Variants in AKAP9 observed in about 807,000 individuals in gnomAD.
AKAP9 encodes A-kinase anchor protein 9.
Under a neutral mutation model 488.5 loss-of-function variants are expected in AKAP9, and 311 were observed. The ratio of observed to expected loss-of-function variants is 0.64; its 90% CI spans 0.58 to 0.70. The LOEUF is 0.70. AKAP9 is among the 30% of genes least tolerant of loss of function. The pLI, the probability that AKAP9 is intolerant of heterozygous loss-of-function variation, is 0.00. For missense variants in AKAP9, 4,215 were observed against 4,374.5 expected, an observed-to-expected ratio of 0.96 and a Z score of 1.03; for synonymous variants, 1,462 against 1,483.5, an observed-to-expected ratio of 0.99 and a Z score of 0.33.
At chr7:92,031,770 T>C (rs1309937227) in intron 16 of AKAP9, among the ~76,000 whole-genome samples, 166 bp downstream of exon 16, 1 of 152,324 alleles carries the variant, frequency 6.6e-6, no homozygotes, top group East Asian at 1.9e-4. Context: ...CAAAATATCT[T>C]GTGAATTTTT....
chr7:92,038,922 T>G, intron 17 of AKAP9, 150 bp downstream of exon 17: 1 of 662,048 alleles, frequency 1.5e-6, no homozygotes, highest in Admixed American at 2.9e-5. Context: ...TTGTTTTGTT[T>G]TTGAGGCTGA....
intron 2 of AKAP9, 97 bp downstream of exon 2, chr7:91,974,065 TTA>T: frequency 4.2e-6 from 6 of 1,438,786 alleles, no homozygotes; most frequent in Non-Finnish European, 5.8e-6. Context: ...ATCATGATTT[TTA>T]TGTCCTCTTG....
At chr7:91,970,306 G>A (rs977893608) in intron 1 of AKAP9, among the ~76,000 whole-genome samples, 1 of 152,142 alleles carries the variant, frequency 6.6e-6, no homozygotes, top group African/African-American at 2.4e-5. Context: ...AGCTATTAAT[G>A]TTTTTGGTAG....
At chr7:92,021,275 A>T (rs1296398117) in intron 12 of AKAP9, among the ~76,000 whole-genome samples, 1 of 152,088 alleles carries the variant, frequency 6.6e-6, no homozygotes, top group Non-Finnish European at 1.5e-5. Context: ...TTCCCATCTG[A>T]TTGATGAATT....
In AKAP9 at chr7:92,076,862, A is replaced by C; in HGVS notation, c.6620A>C (p.Asn2207Thr). 2.1e-6 allele frequency: 3 copies of C among 1,459,162 alleles called. No homozygotes were observed. The highest frequency in any genetic ancestry group is 2.8e-6 in the Non-Finnish European group (3 of 1,061,952). The allele number at this position is 1,459,162 out of a possible 1,614,324, so 90.4% of individuals were successfully genotyped here. A position where few individuals can be genotyped will look rare whatever the true frequency, so the allele number is the denominator to read the frequency against. ...ATAATTTTGTTATTAAAGATTACAA[A>C]CTTAGAAGAGCAATTAGAACAGTTT... ...AIDRKEKEIT[N>T]LEEQLEQFRE... The change falls in exon 29 of 50, where the codon AAC becomes ACC. Residue 2207 changes from asparagine (N) to threonine (T), a missense_variant. Asn to Thr is a moderately conservative substitution (Grantham distance 65). Around this residue, in one of 5 missense-constraint regions of AKAP9, gnomAD observed 51 missense variants for 87.3 expected, o/e 0.58. Transcript: ENST00000356239.
Position 92,096,870 on chromosome 7 carries a change from C to T in AKAP9, c.9911C>T (p.Ser3304Phe). 6.2e-7 allele frequency: 1 copy of T among 1,614,128 alleles called. No homozygotes were observed. The highest frequency in any genetic ancestry group is 1.3e-5 in the African/African-American group (1 of 75,006). ...RNLELQVLLE[S>F]EKVRIREMSS... is the part of the protein sequence containing the mutation. ...TTAGAGCTTCAGGTACTTCTTGAAT[C>T]TGAGAAAGTTCGAATTCGGGAAATG... Residue 3304 changes from serine (S) to phenylalanine (F), a missense_variant, in exon 41 of 50, where the codon TCT becomes TTT. This residue lies in a region of AKAP9 where 1,476 missense variants were observed against 1,477.4 expected (regional missense o/e 1.00). Transcript: ENST00000356239.
At chr7:91,944,150 A>G (rs1002709832) in intron 1 of AKAP9, among the ~76,000 whole-genome samples, 2 of 152,152 alleles carry the variant, frequency 1.3e-5, no homozygotes, top group Non-Finnish European at 2.9e-5. Flanking sequence ...AAATAATTCT[A>G]CAAAGACTTT....
intron 44 of AKAP9, 80 bp from the exon 45 acceptor site, chr7:92,100,776 C>A: frequency 6.6e-7 from 1 of 1,519,244 alleles, no homozygotes; most frequent in Non-Finnish European, 9.1e-7. Context: ...GAGACTGCAT[C>A]ATCATGCAGA....
At chr7:92,033,125 G>A (rs1298882168) in intron 16 of AKAP9, among the ~76,000 whole-genome samples, 2 of 152,128 alleles carry the variant, frequency 1.3e-5, no homozygotes, top group African/African-American at 2.4e-5. Flanking sequence ...TGTGATAATG[G>A]TGGTAACATG....
At position 92,102,724 on chromosome 7, in the gene AKAP9, TG is replaced by T. The variant is rs747796926; in HGVS notation, c.11235del (p.Gln3746SerfsTer7). On this transcript the variant is annotated frameshift_variant, in exon 46 of 50. Coordinates refer to ENST00000356239, the MANE Select transcript of AKAP9 (RefSeq NM_005751.5). LOFTEE classifies it high-confidence loss of function. Reference protein sequence around the residue: ...EDATLALLARMGGQPAFTDLE... With the variant: ...EDATLALLARXGGQPAFTDLE... ...GCCACCTTGGCCCTGCTTGCCCGGA[TG>T]GGGGGGCAGCCAGCTTTCACGGATC... 3.1e-6 allele frequency: 5 copies of T among 1,613,978 alleles called. No individual in the cohort carries two copies. The highest frequency in any genetic ancestry group is 4.2e-6 in the Non-Finnish European group (5 of 1,179,976).
intron 1 of AKAP9, among the ~76,000 whole-genome samples, chr7:91,958,608 A>G (rs1793338615): frequency 6.6e-6 from 1 of 152,152 alleles, no homozygotes; most frequent in Non-Finnish European, 1.5e-5. Context: ...TGATATTAGC[A>G]TATGGGCCCA....
chr7:91,960,127 G>C (rs1793551102), intron 1 of AKAP9, among the ~76,000 whole-genome samples: 1 of 152,038 alleles, frequency 6.6e-6, no homozygotes, highest in South Asian at 2.1e-4. Context: ...GAATTAATTG[G>C]TATTTCTTAG....
chr7:92,013,940 A>C (rs1801151406), intron 9 of AKAP9, among the ~76,000 whole-genome samples: 1 of 152,090 alleles, frequency 6.6e-6, no homozygotes, highest in Admixed American at 6.5e-5. Context: ...TAGAAGAATA[A>C]ATATTGATTT....
At chr7:91,951,803 C>G (rs1346889264) in intron 1 of AKAP9, among the ~76,000 whole-genome samples, 1 of 152,096 alleles carries the variant, frequency 6.6e-6, no homozygotes, top group Non-Finnish European at 1.5e-5. Flanking sequence ...AAAAATTTGT[C>G]TCACACGCTT....
At chr7:92,030,662 T>C (rs1442387724) in intron 15 of AKAP9, among the ~76,000 whole-genome samples, 1 of 149,290 alleles carries the variant, frequency 6.7e-6, no homozygotes, top group Non-Finnish European at 1.5e-5. Context: ...AAAAAAGGGT[T>C]TAGGAATCCC....
chr7:91,981,603 C>CTTTTTTTTTT (rs532220900), intron 3 of AKAP9, among the ~76,000 whole-genome samples: 1 of 106,640 alleles, frequency 9.4e-6, no homozygotes, highest in Non-Finnish European at 1.9e-5. Flanking sequence ...TCTTGTATTT[C>CTTTTTTTTTT]TTTTTTTTTT....
Position 91,993,033 on chromosome 7 carries a change from A to G in AKAP9, c.554A>G (p.Tyr185Cys), listed in dbSNP as rs199631609. The G allele has an allele frequency of 1.4e-5, 23 of 1,614,070 alleles. No homozygotes were observed. In the East Asian group the frequency reaches 2.0e-4, roughly 14 times the overall value. The change falls in exon 5 of 50, where the codon TAT (tyrosine) becomes TGT (cysteine). Residue 185 changes from tyrosine to cysteine, a missense_variant. By Grantham distance (194) the Tyr-to-Cys change is radical. This residue lies in a region of AKAP9 where 2,361 missense variants were observed against 2,430.0 expected (regional missense o/e 0.97). Coordinates refer to ENST00000356239, the MANE Select transcript of AKAP9 (RefSeq NM_005751.5). The part of the protein sequence containing the change: ...NRELEEMRVT[Y>C]GTEGLQQLQE... ...GAGCTGGAAGAAATGAGGGTTACCT[A>G]TGGGACTGAAGGACTGCAGCAGGTA... is the stretch of plus-strand genomic sequence containing the variant.
chr7:92,016,098 T>A, intron 10 of AKAP9, 31 bp from the exon 11 acceptor site: 1 of 1,563,922 alleles, frequency 6.4e-7, no homozygotes, highest in Non-Finnish European at 8.8e-7. Flanking sequence ...AAATTTAAAT[T>A]CCTTAAAATA....
chr7:92,082,214 C>A (rs1211370638), intron 31 of AKAP9, among the ~76,000 whole-genome samples: 1 of 152,194 alleles, frequency 6.6e-6, no homozygotes, highest in Admixed American at 6.5e-5. Flanking sequence ...GGATTACAGG[C>A]GTGAGCCACC....
Sources: gnomAD v4.1 joint callset for allele counts (sites outside exome capture counted in the v4.1 genomes callset) on GRCh38, gnomAD v4.1.1 for gene constraint, gnomAD v4.1.1 regional missense constraint, MANE v1.5 for transcripts, NCBI Gene and HGNC (gene_info 2026-07-23, HGNC 2026-07-21) for gene names.